ZDHHC14: variants seen among roughly 807,000 people sequenced by gnomAD.
The protein encoded by ZDHHC14 is palmitoyltransferase ZDHHC14.
In ZDHHC14, 16 loss-of-function variants were observed where a neutral mutation model predicts 47.7. That is an observed-to-expected ratio of 0.34 (90% CI 0.23 to 0.51). The LOEUF is 0.51. ZDHHC14 is among the 20% of genes least tolerant of loss of function. ZDHHC14 has a pLI of 0.97. For synonymous variants in ZDHHC14, 293 were observed against 278.9 expected (o/e 1.05, Z -0.50); for missense variants, 515 against 662.5 (o/e 0.78, Z 2.44).
intron 1 of ZDHHC14, among the ~76,000 whole-genome samples, chr6:157,432,497 A>G (rs1258545096): frequency 6.6e-6 from 1 of 152,148 alleles, no homozygotes; most frequent in Non-Finnish European, 1.5e-5. Context: ...GAAGCTGTGG[A>G]AGAGGTCATA....
In ZDHHC14 at chr6:157,582,039, G is replaced by A. The variant is rs1783539108; in HGVS notation, c.407-10949G>A. 6.6e-6 allele frequency among the ~76,000 whole-genome samples: 1 copy of A among 152,066 alleles called. No homozygotes were observed. The highest frequency in any genetic ancestry group is 1.5e-5 in the Non-Finnish European group (1 of 67,982). On this transcript the variant is annotated intron_variant, in intron 2 of 8. Transcript: ENST00000359775. The surrounding 1 kb of genome is among the most constrained non-coding windows in gnomAD (Gnocchi z 4.3). ...ACCTCCTGAGTAGCTGGAACTACAG[G>A]CACACGCCACCATGCCTGGCTAATT...
rs184450364 is a variant in ZDHHC14 at position 157,638,300 on chromosome 6, G to A, written c.752+5418G>A. Among the ~76,000 whole-genome samples the A allele has an allele frequency of 2.1e-3, 319 of 152,256 alleles. 3 individuals carry two copies. Among genetic ancestry groups the A allele is most frequent in the Non-Finnish European group, 3.2e-3 (216 of 68,008 alleles). On this transcript the variant is annotated intron_variant, in intron 5 of 8. Transcript: ENST00000359775. ...TCCATAGTCGGTTCTCCCTCCCTCC[G>A]TCCTCCTCCTACTCCTTCCTTCCCA...
At chr6:157,453,927 G>T (rs142059555) in intron 1 of ZDHHC14, among the ~76,000 whole-genome samples, 1 of 152,156 alleles carries the variant, frequency 6.6e-6, no homozygotes, top group Non-Finnish European at 1.5e-5. Context: ...ATTGGCAGCT[G>T]TTGTTCAAAA....
In ZDHHC14 at chr6:157,382,252, C is replaced by A. The variant is rs1359720910; in HGVS notation, c.231C>A (p.Leu77=). The change falls in exon 1 of 9, where the codon CTC becomes CTA. Residue 77 remains leucine (L), a synonymous_variant. Transcript: ENST00000359775. Reference sequence around the variant, plus strand: ...TCCTCATCCTGGTCACTAGCGGACTCTTCTTCGCCTTCGAGTAAGTGGTGG... The same window carrying A: ...TCCTCATCCTGGTCACTAGCGGACTATTCTTCGCCTTCGAGTAAGTGGTGG... The part of the protein sequence containing the change: ...TLVLILVTSG[L]FFAFDCPYLA... 1 of 1,610,822 alleles carries A rather than the reference C, an allele frequency of 6.2e-7. No individual in the cohort carries two copies. Among genetic ancestry groups the A allele is most frequent in the African/African-American group, 1.3e-5 (1 of 74,912 alleles).
At chr6:157,603,302 A>G (rs531670060) in intron 3 of ZDHHC14, among the ~76,000 whole-genome samples, 2 of 152,378 alleles carry the variant, frequency 1.3e-5, no homozygotes, top group Admixed American at 6.5e-5. Context: ...CCACGTAGTT[A>G]TGAAAAGATA....
intron 1 of ZDHHC14, among the ~76,000 whole-genome samples, chr6:157,512,158 G>A (rs546058070): frequency 3.8e-4 from 58 of 152,302 alleles, no homozygotes; most frequent in African/African-American, 1.3e-3. Flanking sequence ...TCGAGTGAAG[G>A]AAACTCAAGC....
intron 2 of ZDHHC14, among the ~76,000 whole-genome samples, chr6:157,549,225 A>G (rs1782120260): frequency 6.6e-6 from 1 of 152,338 alleles, no homozygotes; most frequent in Admixed American, 6.5e-5. Flanking sequence ...TCTCCCCGGT[A>G]CAGCCTCGAG....
chr6:157,628,723 C>T (rs1467561993), intron 4 of ZDHHC14: 5 of 509,982 alleles, frequency 9.8e-6, no homozygotes, highest in South Asian at 6.7e-5. Flanking sequence ...TTCCAGGGGT[C>T]GCACCTAGGC....
intron 1 of ZDHHC14, among the ~76,000 whole-genome samples, chr6:157,528,738 AT>A (rs1176665318): frequency 2.0e-5 from 3 of 151,654 alleles, no homozygotes; most frequent in Non-Finnish European, 4.4e-5. Flanking sequence ...TCTCAAAAAA[AT>A]AAAATAAAAT....
At chr6:157,527,645 C>A (rs1419802875) in intron 1 of ZDHHC14, among the ~76,000 whole-genome samples, 1 of 152,174 alleles carries the variant, frequency 6.6e-6, no homozygotes, top group Non-Finnish European at 1.5e-5. Flanking sequence ...CATTTTCAAG[C>A]TGTTTTTCTG....
intron 1 of ZDHHC14, among the ~76,000 whole-genome samples, chr6:157,407,304 C>G (rs1317531815): frequency 1.3e-5 from 2 of 152,184 alleles, no homozygotes; most frequent in Non-Finnish European, 2.9e-5. Flanking sequence ...GGGACCCTGC[C>G]GTCCCCTTTC....
chr6:157,658,471 T>C (rs532325042), intron 8 of ZDHHC14, among the ~76,000 whole-genome samples: 253 of 152,262 alleles, frequency 1.7e-3, no homozygotes, highest in Non-Finnish European at 2.8e-3. Flanking sequence ...ACACCGTGAC[T>C]CTCAGCTCCT....
chr6:157,413,435 C>G (rs1183820760), intron 1 of ZDHHC14, among the ~76,000 whole-genome samples: 1 of 152,198 alleles, frequency 6.6e-6, no homozygotes, highest in Non-Finnish European at 1.5e-5. Context: ...CACCAACACT[C>G]ACTGGTAAGA....
At chr6:157,495,771 C>T (rs1194943501) in intron 1 of ZDHHC14, among the ~76,000 whole-genome samples, 1 of 130,116 alleles carries the variant, frequency 7.7e-6, no homozygotes, top group Non-Finnish European at 1.6e-5. Flanking sequence ...GTGGTGTAAT[C>T]TCAGCTCACT....
At chr6:157,562,650 C>A (rs1240298838) in intron 2 of ZDHHC14, among the ~76,000 whole-genome samples, 1 of 152,220 alleles carries the variant, frequency 6.6e-6, no homozygotes, top group African/African-American at 2.4e-5. Flanking sequence ...CAGGCAGGTT[C>A]CAGGCCCAGT....
At chr6:157,589,993 A>C in intron 2 of ZDHHC14, among the ~76,000 whole-genome samples, 1 of 152,202 alleles carries the variant, frequency 6.6e-6, no homozygotes, top group Non-Finnish European at 1.5e-5. Flanking sequence ...ACTTCTTGGA[A>C]ACAGGAATAA....
intron 1 of ZDHHC14, among the ~76,000 whole-genome samples, chr6:157,424,024 C>T (rs1404755893): frequency 2.0e-5 from 3 of 152,190 alleles, no homozygotes; most frequent in Non-Finnish European, 4.4e-5. Flanking sequence ...TCCAAAGCTT[C>T]GGCTTATTTC....
intron 1 of ZDHHC14, among the ~76,000 whole-genome samples, chr6:157,517,993 C>T (rs542044625): frequency 7.1e-4 from 108 of 152,288 alleles, no homozygotes; most frequent in Middle Eastern, 3.4e-3. Flanking sequence ...GGATGCACGT[C>T]CCCAGCCCCC....
chr6:157,614,283 AC>A (rs1423514210), intron 3 of ZDHHC14, among the ~76,000 whole-genome samples: 1 of 151,868 alleles, frequency 6.6e-6, no homozygotes, highest in Admixed American at 6.6e-5. Flanking sequence ...ACAGCTGCTC[AC>A]AAAAATTACA....
Sources: gnomAD v4.1 joint callset for allele counts (sites outside exome capture counted in the v4.1 genomes callset) on GRCh38, gnomAD v4.1.1 for gene constraint, Gnocchi (gnomAD v3.1) non-coding constraint, MANE v1.5 for transcripts, NCBI Gene and HGNC (gene_info 2026-07-23, HGNC 2026-07-21) for gene names.